Variants in ATM observed in about 807,000 individuals in gnomAD.
ATM encodes the protein serine-protein kinase ATM.
Under a neutral mutation model 387.0 loss-of-function variants are expected in ATM, and 308 were observed. That is an observed-to-expected ratio of 0.80 (90% CI 0.73 to 0.87). ATM has a LOEUF of 0.87. Among genes scored for constraint, ATM ranks in the 40% least tolerant of loss-of-function variants. The pLI is 0.00. For missense variants in ATM, 3,312 were observed against 3,560.9 expected, an observed-to-expected ratio of 0.93 and a Z score of 1.78; for synonymous variants, 1,156 against 1,187.3, an observed-to-expected ratio of 0.97 and a Z score of 0.54.
intron 61 of ATM, chr11:108,355,130 C>G: frequency 2.1e-6 from 1 of 486,670 alleles, no homozygotes; most frequent in Non-Finnish European, 3.7e-6. Context: ...ATTCATAAAT[C>G]AATTCTTTGA....
chr11:108,249,261 A>G (rs190901872), intron 9 of ATM, among the ~76,000 whole-genome samples, 159 bp downstream of exon 9: 1 of 152,342 alleles, frequency 6.6e-6, no homozygotes, highest in Admixed American at 6.5e-5. Context: ...GCCATGACAA[A>G]TGAGATCAAT....
intron 42 of ATM, among the ~76,000 whole-genome samples, chr11:108,316,753 C>CAAAAAAAAAA (rs58165074): frequency 5.4e-3 from 375 of 70,040 alleles, no homozygotes; most frequent in Middle Eastern, 0.012. Flanking sequence ...ACTAAAAATA[C>CAAAAAAAAAA]AAAAAAAAAA....
intron 15 of ATM, 108 bp from the exon 16 acceptor site, chr11:108,258,878 T>C (rs1248637249): frequency 1.2e-6 from 1 of 842,038 alleles, no homozygotes; most frequent in South Asian, 1.4e-5. Flanking sequence ...TTGGCCCTAA[T>C]AGTAAACTAT....
At chr11:108,298,896 G>A (rs1342406364) in intron 33 of ATM, among the ~76,000 whole-genome samples, 1 of 152,144 alleles carries the variant, frequency 6.6e-6, no homozygotes, top group African/African-American at 2.4e-5. Context: ...TACTAGCAGT[G>A]CACAATCCAG....
intron 48 of ATM, among the ~76,000 whole-genome samples, chr11:108,328,309 C>T (rs2085893269): frequency 6.6e-6 from 1 of 152,186 alleles, no homozygotes; most frequent in South Asian, 2.1e-4. Flanking sequence ...TGCAGTGGCG[C>T]AATCTCGGCT....
intron 25 of ATM, among the ~76,000 whole-genome samples, chr11:108,283,629 A>G (rs1430769585): frequency 6.6e-6 from 1 of 152,322 alleles, no homozygotes; most frequent in African/African-American, 2.4e-5. Context: ...CTTATAGTTC[A>G]TTCATTTTGG....
chr11:108,248,639 A>G lies in ATM; in HGVS notation c.1066-294A>G, dbSNP rs694799. ...CGTGGTGGCTCACACCTGTAATCCC[A>G]GCACTTTGGGAGGCCAAGGCGGGCA... On this transcript the variant is annotated intron_variant, in intron 8 of 62. Coordinates refer to ENST00000675843, the MANE Select transcript of ATM (RefSeq NM_000051.4). Among the ~76,000 whole-genome samples the G allele has an allele frequency of 0.55, 83,131 of 151,850 alleles. 23,202 individuals are homozygous for G. Among genetic ancestry groups the G allele is most frequent in the Middle Eastern group, 0.77 (227 of 294 alleles).
chr11:108,316,260 AG>A, intron 42 of ATM, 147 bp downstream of exon 42: 1 of 884,636 alleles, frequency 1.1e-6, no homozygotes, highest in Non-Finnish European at 1.8e-6. Context: ...CTAAACATTC[AG>A]GGATACTCCT....
intron 44 of ATM, 67 bp from the exon 45 acceptor site, chr11:108,321,234 T>C: frequency 6.3e-7 from 1 of 1,599,838 alleles, no homozygotes; most frequent in Non-Finnish European, 8.5e-7. Flanking sequence ...TAACAACAAA[T>C]TTAAACATTT....
Position 108,271,274 on chromosome 11 carries a change from G to A in ATM, c.2945G>A (p.Arg982His), listed in dbSNP as rs749471737. The change falls in exon 20 of 63, where the codon CGT becomes CAT. Residue 982 changes from arginine to histidine, a missense_variant. Physicochemically the swap from Arg to His is conservative, Grantham distance 29. Transcript: ENST00000675843. The part of the protein sequence containing the change: ...PLSNVCSLYR[R>H]DQDVCKTILN... ...AGCAATGTGTGTTCTTTGTATCGTC[G>A]TGACCAAGATGTTTGTAAAACTATT... 9.9e-6 allele frequency: 16 copies of A among 1,608,774 alleles called. No homozygotes were observed. In the Middle Eastern group the frequency reaches 4.9e-4, roughly 50 times the overall value.
At chr11:108,259,680 C>G (rs1223250021) in intron 16 of ATM, among the ~76,000 whole-genome samples, 1 of 152,064 alleles carries the variant, frequency 6.6e-6, no homozygotes, top group Non-Finnish European at 1.5e-5. Flanking sequence ...CAACATTGTA[C>G]CAAAATTTAA....
chr11:108,307,031 A>T (rs1259610018), intron 37 of ATM, among the ~76,000 whole-genome samples: 1 of 152,044 alleles, frequency 6.6e-6, no homozygotes, highest in African/African-American at 2.4e-5. Context: ...AAATTTTCCA[A>T]GTTATTTCTT....
At chr11:108,238,735 T>A (rs189235939) in intron 5 of ATM, among the ~76,000 whole-genome samples, 1 of 152,258 alleles carries the variant, frequency 6.6e-6, no homozygotes, top group East Asian at 1.9e-4. Context: ...TTTTTTTTCT[T>A]TCTTTCTGAG....
intron 18 of ATM, among the ~76,000 whole-genome samples, chr11:108,270,782 G>A (rs932946781): frequency 1.3e-5 from 2 of 151,874 alleles, no homozygotes; most frequent in Non-Finnish European, 2.9e-5. Flanking sequence ...TGCAACCTTC[G>A]CCTCCCAGGT....
At chr11:108,282,688 A>G in intron 24 of ATM, 22 bp from the exon 25 acceptor site, 4 of 1,609,886 alleles carry the variant, frequency 2.5e-6, no homozygotes, top group Non-Finnish European at 3.4e-6. Context: ...TTCTTAACAC[A>G]TTGACTTTTT....
At chr11:108,346,931 A>G (rs2088493244) in intron 58 of ATM, among the ~76,000 whole-genome samples, 1 of 152,188 alleles carries the variant, frequency 6.6e-6, no homozygotes, top group Non-Finnish European at 1.5e-5. Context: ...ATGTTCAATA[A>G]AAATTTGAGT....
chr11:108,336,114 T>C, intron 56 of ATM, 153 bp downstream of exon 56: 3 of 604,054 alleles, frequency 5.0e-6, no homozygotes, highest in Non-Finnish European at 8.8e-6. Flanking sequence ...CTCAGCAACA[T>C]AGTGAGACCC....
intron 33 of ATM, among the ~76,000 whole-genome samples, chr11:108,298,482 T>C (rs2083240387): frequency 6.6e-6 from 1 of 152,194 alleles, no homozygotes; most frequent in South Asian, 2.1e-4. Flanking sequence ...CTGTAGAAGT[T>C]TTCTTTAACC....
chr11:108,227,929 T>C (rs1276721272), intron 3 of ATM, 41 bp downstream of exon 3: 8 of 1,506,190 alleles, frequency 5.3e-6, no homozygotes, highest in Middle Eastern at 2.3e-4. Context: ...TATTTTTCTC[T>C]TTCATATTTA....
Sources: gnomAD v4.1 joint callset for allele counts (sites outside exome capture counted in the v4.1 genomes callset) on GRCh38, gnomAD v4.1.1 for gene constraint, MANE v1.5 for transcripts, NCBI Gene and HGNC (gene_info 2026-07-23, HGNC 2026-07-21) for gene names.